RELN: variants seen among roughly 807,000 people sequenced by gnomAD.
RELN encodes reelin.
Under a neutral mutation model 427.6 loss-of-function variants are expected in RELN, and 108 were observed. The ratio of observed to expected loss-of-function variants is 0.25; its 90% CI spans 0.22 to 0.30. The LOEUF is 0.30. RELN is among the 10% of genes least tolerant of loss of function. The pLI is 1.00. For synonymous variants in RELN, 1,524 were observed against 1,513.4 expected (o/e 1.01, Z -0.16); for missense variants, 3,715 against 4,302.8 (o/e 0.86, Z 3.82).
chr7:103,621,503 T>C (rs1035821081), intron 20 of RELN, among the ~76,000 whole-genome samples: 3 of 152,258 alleles, frequency 2.0e-5, no homozygotes, highest in African/African-American at 7.2e-5. Flanking sequence ...AAAGGAGTAA[T>C]GGAAGAGGTT....
At chr7:103,794,099 G>A (rs988909767) in intron 3 of RELN, among the ~76,000 whole-genome samples, 1 of 152,080 alleles carries the variant, frequency 6.6e-6, no homozygotes, top group Non-Finnish European at 1.5e-5. Context: ...AATTTTGTAG[G>A]TAATTTTTTT....
At chr7:103,566,171 T>C in intron 33 of RELN, 53 bp downstream of exon 33, 1 of 1,466,336 alleles carries the variant, frequency 6.8e-7, no homozygotes, top group Non-Finnish European at 9.5e-7. Context: ...TTTTAGTTAA[T>C]TTAGTCCTCT....
Position 103,845,880 on chromosome 7 carries a change from C to A in RELN, c.338-12208G>T, listed in dbSNP as rs141139006. ...TCAAGAAAATAAGAGAGGACACAAACAAATGGAAAAACATTCCACGCTCAT... is the reference window on the plus strand; with the variant it reads ...TCAAGAAAATAAGAGAGGACACAAAAAAATGGAAAAACATTCCACGCTCAT... On this transcript the variant is annotated intron_variant, in intron 2 of 64. Coordinates refer to ENST00000428762, the MANE Select transcript of RELN (RefSeq NM_005045.4). 8.6e-5 allele frequency among the ~76,000 whole-genome samples: 13 copies of A among 151,558 alleles called. 1 individual carries two copies. The East Asian group carries it at 2.6e-3, about 30-fold the overall frequency.
chr7:103,942,094 T>G (rs368497331), intron 1 of RELN, among the ~76,000 whole-genome samples: 2 of 152,184 alleles, frequency 1.3e-5, no homozygotes, highest in Non-Finnish European at 2.9e-5. Context: ...CTATAACACT[T>G]ATTAAGAGAT....
chr7:103,872,192 TC>T (rs1794361392), intron 2 of RELN, among the ~76,000 whole-genome samples: 1 of 129,410 alleles, frequency 7.7e-6, no homozygotes, highest in Admixed American at 7.8e-5. Flanking sequence ...TAGGTATATC[TC>T]CCAATGCTAT....
At chr7:103,661,731 A>G (rs1228883146) in intron 11 of RELN, among the ~76,000 whole-genome samples, 2 of 152,208 alleles carry the variant, frequency 1.3e-5, no homozygotes, top group African/African-American at 4.8e-5. Flanking sequence ...CATTACATTC[A>G]CAGTTATAGT....
intron 31 of RELN, among the ~76,000 whole-genome samples, chr7:103,570,832 G>A (rs1412725834): frequency 6.6e-6 from 1 of 152,062 alleles, no homozygotes; most frequent in Non-Finnish European, 1.5e-5. Context: ...GATATTTAGA[G>A]GTTTATTATT....
chr7:103,662,481 G>A (rs1833164804), intron 11 of RELN, among the ~76,000 whole-genome samples: 1 of 152,016 alleles, frequency 6.6e-6, no homozygotes, highest in South Asian at 2.1e-4. Flanking sequence ...AATTAGCTTG[G>A]TGTGGTGGTG....
At chr7:103,497,948 C>G (rs761407071) in intron 54 of RELN, 22 bp from the exon 55 acceptor site, 2 of 1,609,286 alleles carry the variant, frequency 1.2e-6, no homozygotes, top group Non-Finnish European at 1.7e-6. Context: ...CACATTTTAT[C>G]CATCAGAATA....
intron 51 of RELN, among the ~76,000 whole-genome samples, chr7:103,504,911 C>T (rs1293102077): frequency 6.6e-6 from 1 of 152,188 alleles, no homozygotes; most frequent in African/African-American, 2.4e-5. Flanking sequence ...TCTGCCATTA[C>T]TGAGGCTTGA....
At chr7:103,945,454 T>C (rs955539621) in intron 1 of RELN, among the ~76,000 whole-genome samples, 4 of 152,186 alleles carry the variant, frequency 2.6e-5, no homozygotes, top group African/African-American at 9.6e-5. Flanking sequence ...TGATTCAGTT[T>C]ACCCCCTACC....
chr7:103,851,787 G>A (rs538497878), intron 2 of RELN, among the ~76,000 whole-genome samples: 1 of 152,188 alleles, frequency 6.6e-6, no homozygotes, highest in Non-Finnish European at 1.5e-5. Context: ...ATAGCTGTAT[G>A]CTCCTACACA....
At chr7:103,818,961 C>T (rs1042595033) in intron 3 of RELN, among the ~76,000 whole-genome samples, 4 of 151,538 alleles carry the variant, frequency 2.6e-5, no homozygotes, top group Non-Finnish European at 5.9e-5. Flanking sequence ...TATAAGAGAA[C>T]CCCAAGTTTG....
intron 4 of RELN, among the ~76,000 whole-genome samples, chr7:103,768,515 G>A (rs771090605): frequency 2.4e-4 from 36 of 152,284 alleles, no homozygotes; most frequent in Middle Eastern, 3.4e-3. Flanking sequence ...AACATTGCTA[G>A]TAGCAGCCAC....
At chr7:103,905,509 T>C (rs907616084) in intron 2 of RELN, among the ~76,000 whole-genome samples, 1 of 152,142 alleles carries the variant, frequency 6.6e-6, no homozygotes, top group Non-Finnish European at 1.5e-5. Flanking sequence ...TTAAAGACAG[T>C]AATACTTTCC....
chr7:103,770,056 C>T (rs1194280333), intron 4 of RELN, among the ~76,000 whole-genome samples: 2 of 150,764 alleles, frequency 1.3e-5, no homozygotes, highest in Admixed American at 6.6e-5. Context: ...TCACCAAATA[C>T]AGCACAAATC....
intron 8 of RELN, among the ~76,000 whole-genome samples, chr7:103,712,613 A>G (rs1014089994): frequency 4.6e-5 from 7 of 152,368 alleles, no homozygotes; most frequent in African/African-American, 1.7e-4. Context: ...GATAATTCAC[A>G]TAAGTAACAG....
chr7:103,965,260 G>A (rs569584754), intron 1 of RELN, among the ~76,000 whole-genome samples: 1 of 152,034 alleles, frequency 6.6e-6, no homozygotes, highest in Non-Finnish European at 1.5e-5. Flanking sequence ...ATATTCATAG[G>A]CTGCCTAGCA....
At chr7:103,506,403 A>G (rs1829213346) in intron 51 of RELN, among the ~76,000 whole-genome samples, 1 of 152,260 alleles carries the variant, frequency 6.6e-6, no homozygotes, top group African/African-American at 2.4e-5. Flanking sequence ...GGAAGCCAAT[A>G]TTCAACATTC....
Sources: gnomAD v4.1 joint callset for allele counts (sites outside exome capture counted in the v4.1 genomes callset) on GRCh38, gnomAD v4.1.1 for gene constraint, MANE v1.5 for transcripts, NCBI Gene and HGNC (gene_info 2026-07-23, HGNC 2026-07-21) for gene names.